Variants in CROCC observed in about 807,000 individuals in gnomAD.
CROCC encodes the protein ciliary rootlet coiled-coil, rootletin.
CROCC carries 180 observed loss-of-function variants against 245.2 expected under a neutral mutation model. That is an observed-to-expected ratio of 0.73 (90% confidence interval 0.65 to 0.83). CROCC has a LOEUF of 0.83. Ranked by LOEUF, CROCC falls within the 40% of genes least tolerant of loss-of-function variation. CROCC has a pLI of 0.00. For missense variants in CROCC, 2,688 were observed against 2,779.4 expected (o/e 0.97, Z 0.74); for synonymous variants, 1,205 against 1,241.6 (o/e 0.97, Z 0.62).
At chr1:16,930,102 A>C (rs1276688503) in intron 4 of CROCC, 22 bp from the exon 5 acceptor site, 14 of 1,581,344 alleles carry the variant, frequency 8.9e-6, no homozygotes, top group Non-Finnish European at 1.1e-5. Context: ...CCTGGGGCTC[A>C]CCATCAGCTC....
At chr1:16,953,634 G>A in intron 21 of CROCC, 153 bp downstream of exon 21, 2 of 682,512 alleles carry the variant, frequency 2.9e-6, no homozygotes, top group Non-Finnish European at 4.8e-6. Flanking sequence ...GGGAGGATTA[G>A]AAGGGGGTTC....
intron 8 of CROCC, among the ~76,000 whole-genome samples, chr1:16,936,412 A>T (rs2075788485): frequency 6.6e-6 from 1 of 152,254 alleles, no homozygotes; most frequent in Non-Finnish European, 1.5e-5. Flanking sequence ...GGACTACAGA[A>T]GTGCGCCACC....
intron 17 of CROCC, 66 bp from the exon 18 acceptor site, chr1:16,948,265 G>A (rs2076092360): frequency 6.8e-6 from 10 of 1,469,892 alleles, no homozygotes; most frequent in Non-Finnish European, 9.0e-6. Flanking sequence ...CCCAGAGTTG[G>A]GGTGCTGCAC....
At chr1:16,919,547 A>T (rs1383384485), upstream of CROCC, among the ~76,000 whole-genome samples, 3 of 152,284 alleles carry the variant, frequency 2.0e-5, no homozygotes, top group Non-Finnish European at 4.4e-5. Context: ...GAAGGAAGGA[A>T]CTTTATTCGG....
chr1:16,951,291 C>A, intron 20 of CROCC, 169 bp downstream of exon 20: 1 of 543,156 alleles, frequency 1.8e-6, no homozygotes. Flanking sequence ...TCTTATTAGA[C>A]ATGCAGATTC....
intron 2 of CROCC, 126 bp from the exon 3 acceptor site, chr1:16,924,199 T>C: frequency 8.3e-7 from 1 of 1,198,346 alleles, no homozygotes; most frequent in Non-Finnish European, 1.2e-6. Flanking sequence ...TTTGCAGGCC[T>C]GGTGCTGCAG....
chr1:16,956,007 G>C lies in CROCC; in HGVS notation c.3715G>C (p.Ala1239Pro). 2 of 1,550,562 alleles carry C rather than the reference G, an allele frequency of 1.3e-6. No homozygotes were observed. Among genetic ancestry groups the C allele is most frequent in the Non-Finnish European group, 1.7e-6 (2 of 1,147,020 alleles). The change falls in exon 25 of 37, where the codon GCC becomes CCC. Residue 1239 changes from alanine (A) to proline (P), a missense_variant. Physicochemically the swap from Ala to Pro is conservative, Grantham distance 27. Around this residue, in one of 9 missense-constraint regions of CROCC, gnomAD observed 1,218 missense variants for 1,286.3 expected, o/e 0.95. Transcript: ENST00000375541. ...CTCTGCCCTCTCCAGCCTGAAGCTT[G>C]CCAATGAGGACAAGGAGCAGAAGCT... ...AESERISLKL[A>P]NEDKEQKLAL...
Position 16,940,113 on chromosome 1 carries a change from T to C in CROCC, c.1808+20T>C. On this transcript the variant is annotated intron_variant, in intron 13 of 36. Coordinates refer to ENST00000375541, the MANE Select transcript of CROCC (RefSeq NM_014675.5). ...GAGCAGGTGCCGGGGAGGTCTGAGC[T>C]GGGGGGTACTGAAGAATAAGTCACC... The C allele has an allele frequency of 6.3e-7, 1 of 1,576,794 alleles. No homozygotes were observed. The highest frequency in any genetic ancestry group is 8.6e-7 in the Non-Finnish European group (1 of 1,164,288).
At chr1:16,971,210 A>AGTGTGTGTGTGTGT (rs34364208) in intron 35 of CROCC, among the ~76,000 whole-genome samples, 1 of 144,024 alleles carries the variant, frequency 6.9e-6, no homozygotes. Context: ...ATGATGTCTG[A>AGTGTGTGTGTGTGT]GTGTGTGTGT....
chr1:16,929,969 C>T lies in CROCC; in HGVS notation c.475C>T (p.Leu159=), dbSNP rs1190915056. 5.7e-6 allele frequency: 9 copies of T among 1,586,998 alleles called. No homozygotes were observed. In the South Asian group the frequency reaches 1.0e-4, roughly 18 times the overall value. The change falls in exon 4 of 37, where the codon CTG becomes TTG. Residue 159 remains leucine, a synonymous_variant. Coordinates refer to ENST00000375541, the MANE Select transcript of CROCC (RefSeq NM_014675.5). Reference sequence around the variant, plus strand: ...GGAGCAGGCCTCCTACCGGCGCAAGCTGCAGGCCTACCAGGAGGGCCAGCA... The same window carrying T: ...GGAGCAGGCCTCCTACCGGCGCAAGTTGCAGGCCTACCAGGAGGGCCAGCA... ...QEEQASYRRK[L]QAYQEGQQRQ...
chr1:16,960,740 C>A lies in CROCC; in HGVS notation c.4033-18C>A. On this transcript the variant is annotated intron_variant, in intron 26 of 36. Coordinates refer to ENST00000375541, the MANE Select transcript of CROCC (RefSeq NM_014675.5). Reference sequence around the variant, plus strand: ...TGGGAGAGGTCTTGCCGACCTCCACCTCCTGGCATCACTCCAGCTCCAGGT... The same window carrying A: ...TGGGAGAGGTCTTGCCGACCTCCACATCCTGGCATCACTCCAGCTCCAGGT... 6.7e-7 allele frequency: 1 copy of A among 1,498,754 alleles called. No homozygotes were observed. Among genetic ancestry groups the A allele is most frequent in the Non-Finnish European group, 8.9e-7 (1 of 1,127,190 alleles). 92.8% of individuals were successfully genotyped at this position (1,498,754 alleles called of 1,614,324 possible).
At position 16,938,817 on chromosome 1, in the gene CROCC, G is replaced by C. The variant is rs2100414793; in HGVS notation, c.1375-92G>C. On this transcript the variant is annotated intron_variant, in intron 11 of 36. Transcript: ENST00000375541. ...TGTAAGAGGCAGCATTTGGAATGAG[G>C]CAGCCCCCAGCCTCACCTGGGCGTC... 2.4e-6 allele frequency: 3 copies of C among 1,262,126 alleles called. No homozygotes were observed. In the East Asian group the frequency reaches 7.1e-5, roughly 30 times the overall value. The allele number at this position is 1,262,126 out of a possible 1,614,324, so 78.2% of individuals were successfully genotyped here.
chr1:16,931,051 C>G (rs2100367479), intron 7 of CROCC, among the ~76,000 whole-genome samples: 1 of 152,392 alleles, frequency 6.6e-6, no homozygotes, highest in African/African-American at 2.4e-5. Context: ...CATTTTTGCC[C>G]TTCGTTGCTG....
chr1:16,948,651 G>C, intron 18 of CROCC, 127 bp downstream of exon 18: 4 of 1,508,586 alleles, frequency 2.7e-6, no homozygotes, highest in Non-Finnish European at 3.5e-6. Context: ...ACTCGTCCTA[G>C]CTGTGGCTCA....
chr1:16,969,823 A>G lies in CROCC; in HGVS notation c.5340A>G (p.Ala1780=), dbSNP rs201318521. Residue 1780 remains alanine, a synonymous_variant, in exon 33 of 37, where the codon GCA becomes GCG. Transcript: ENST00000375541. ...CCGCCCGGCAGGCATTATCTGAGGC[A>G]CGGAAGCAGAGCAGCTCCCTGGGCG... The part of the protein sequence containing the change: ...LDAARQALSE[A]RKQSSSLGEQ... The G allele has an allele frequency of 6.2e-7, 1 of 1,613,352 alleles. No homozygotes were observed. Among genetic ancestry groups the G allele is most frequent in the East Asian group, 2.2e-5 (1 of 44,868 alleles).
chr1:16,955,450 C>T lies in CROCC; in HGVS notation c.3604C>T (p.Arg1202Ter). The change falls in exon 24 of 37, where the codon CGA becomes TGA. Residue 1202 changes from arginine (R) to a stop codon, truncating the protein, a stop_gained. Transcript: ENST00000375541. LOFTEE classifies it high-confidence loss of function. ...EVQRQEAGELRRSLGEGAKER... is the reference protein window; with the variant it reads ...EVQRQEAGEL ...GCAGCGCCAGGAGGCAGGCGAGCTG[C>T]GACGCAGCCTGGGCGAGGGTGCCAA... 1.9e-6 allele frequency: 3 copies of T among 1,593,850 alleles called. No homozygotes were observed. Among genetic ancestry groups the T allele is most frequent in the African/African-American group, 1.3e-5 (1 of 74,736 alleles).
At chr1:16,916,992 C>T (rs1309633856), upstream of CROCC, among the ~76,000 whole-genome samples, 3 of 152,282 alleles carry the variant, frequency 2.0e-5, no homozygotes, top group Non-Finnish European at 4.4e-5. Context: ...GTGGCGCATA[C>T]CTGTAATCCC....
intron 20 of CROCC, among the ~76,000 whole-genome samples, chr1:16,952,280 C>T (rs2076174994): frequency 6.6e-6 from 1 of 151,492 alleles, no homozygotes; most frequent in African/African-American, 2.4e-5. Flanking sequence ...GTCGGAAGAT[C>T]GAGACCATCC....
In CROCC at chr1:16,951,041, G is replaced by C. The variant is rs756283729; in HGVS notation, c.2925G>C (p.Gln975His). The C allele has an allele frequency of 1.9e-6, 3 of 1,607,744 alleles. No individual in the cohort carries two copies. In the African/African-American group the frequency reaches 4.0e-5, roughly 22 times the overall value. Residue 975 changes from glutamine (Q) to histidine (H), a missense_variant, in exon 20 of 37, where the codon CAG becomes CAC. This residue lies in a region of CROCC where 106 missense variants were observed against 126.1 expected (regional missense o/e 0.84). Transcript: ENST00000375541. ...AGCTGATGGCCCAGAAGCTGGTGCA[G>C]GCTGAGCGGGAGGCCCAGGCCTCTC... ...DKELMAQKLV[Q>H]AEREAQASLR...
Sources: gnomAD v4.1 joint callset for allele counts (sites outside exome capture counted in the v4.1 genomes callset) on GRCh38, gnomAD v4.1.1 for gene constraint, gnomAD v4.1.1 regional missense constraint, MANE v1.5 for transcripts, NCBI Gene and HGNC (gene_info 2026-07-23, HGNC 2026-07-21) for gene names.